The following GPATCH1 variants were observed in gnomAD, a reference collection of about 807,000 sequenced individuals.
The protein encoded by GPATCH1 is G patch domain-containing protein 1.
GPATCH1 carries 73 observed loss-of-function variants against 114.9 expected under a neutral mutation model. The ratio of observed to expected loss-of-function variants is 0.64; its 90% CI spans 0.53 to 0.77. The LOEUF (loss-of-function observed/expected upper bound fraction) is 0.77, where lower values mean the gene tolerates loss of function less well. GPATCH1 is among the 30% of genes least tolerant of loss of function. The pLI is 0.00. For missense variants in GPATCH1, 1,058 were observed against 1,144.3 expected (o/e 0.92, Z 1.09); for synonymous variants, 391 against 428.4 (o/e 0.91, Z 1.08).
At chr19:33,113,691 T>G in intron 13 of GPATCH1, 76 bp from the exon 14 acceptor site, 2 of 1,323,066 alleles carry the variant, frequency 1.5e-6, no homozygotes, top group Non-Finnish European at 2.1e-6. Flanking sequence ...GTGGAAAACT[T>G]GAGATGGAAA....
At chr19:33,119,200 C>A in intron 17 of GPATCH1, 83 bp downstream of exon 17, 1 of 634,600 alleles carries the variant, frequency 1.6e-6, no homozygotes, top group Non-Finnish European at 2.7e-6. Context: ...TAGAGCCGAC[C>A]AAACATACGT....
intron 8 of GPATCH1, among the ~76,000 whole-genome samples, chr19:33,099,606 T>A (rs1167843951): frequency 6.7e-6 from 1 of 149,880 alleles, no homozygotes; most frequent in Non-Finnish European, 1.5e-5. Context: ...ATTTTTAAAT[T>A]TTTTTTTTTT....
At chr19:33,121,582 G>A (rs1414838703) in intron 17 of GPATCH1, among the ~76,000 whole-genome samples, 1 of 151,934 alleles carries the variant, frequency 6.6e-6, no homozygotes, top group African/African-American at 2.4e-5. Context: ...GCCTCCCAAT[G>A]TGCTGGGATT....
At chr19:33,128,443 G>T (rs1386228967) in intron 19 of GPATCH1, among the ~76,000 whole-genome samples, 2 of 152,164 alleles carry the variant, frequency 1.3e-5, no homozygotes, top group Non-Finnish European at 2.9e-5. Context: ...TGTATATTTA[G>T]TAGAGACGGG....
At chr19:33,130,002 G>A (rs991713790) in intron 19 of GPATCH1, 128 bp from the exon 20 acceptor site, 1 of 674,866 alleles carries the variant, frequency 1.5e-6, no homozygotes, top group Non-Finnish European at 2.7e-6. Context: ...GTTATTGTGA[G>A]TGCATTTTGT....
intron 3 of GPATCH1, among the ~76,000 whole-genome samples, chr19:33,091,177 C>T (rs1042736560): frequency 3.5e-4 from 53 of 151,804 alleles, no homozygotes; most frequent in Non-Finnish European, 6.2e-4. Context: ...TTTGGGAGGC[C>T]GAGACAGGCG....
chr19:33,105,935 C>T (rs1434838233), intron 9 of GPATCH1, among the ~76,000 whole-genome samples: 3 of 152,032 alleles, frequency 2.0e-5, no homozygotes, highest in African/African-American at 7.2e-5. Context: ...GCGACCTCTG[C>T]CTCCCGGGTT....
chr19:33,102,027 CAAA>C (rs563794335), intron 9 of GPATCH1, among the ~76,000 whole-genome samples: 4 of 92,248 alleles, frequency 4.3e-5, no homozygotes, highest in Admixed American at 1.2e-4. Flanking sequence ...AACTCTGTCT[CAAA>C]AAAAAAAAAA....
chr19:33,126,773 G>T (rs773980117), intron 19 of GPATCH1, 40 bp downstream of exon 19: 2 of 1,481,668 alleles, frequency 1.3e-6, no homozygotes, highest in Admixed American at 4.1e-5. Flanking sequence ...GAAACCTTTA[G>T]AGGCTTATTG....
rs1391240969 is a variant in GPATCH1 at position 33,112,572 on chromosome 19, G to A, written c.1851G>A (p.Lys617=). 2 of 1,613,824 alleles carry A rather than the reference G, an allele frequency of 1.2e-6. No individual in the cohort carries two copies. Among genetic ancestry groups the A allele is most frequent in the Non-Finnish European group, 1.7e-6 (2 of 1,179,874 alleles). Residue 617 remains lysine, a synonymous_variant, in exon 13 of 20, where the codon AAG becomes AAA. Coordinates refer to ENST00000170564, the MANE Select transcript of GPATCH1 (RefSeq NM_018025.3). ...ACACGTTTGAGTGGCACCCTGACAA[G>A]CTTCTATGTAAGAGATTTAATGTCC... is the stretch of plus-strand genomic sequence containing the variant. ...TRDTFEWHPD[K]LLCKRFNVPD... is the part of the protein sequence containing the mutation.
intron 17 of GPATCH1, among the ~76,000 whole-genome samples, chr19:33,119,858 A>G (rs898717131): frequency 6.7e-6 from 1 of 149,270 alleles, no homozygotes; most frequent in Non-Finnish European, 1.5e-5. Flanking sequence ...CATCTCTACT[A>G]TAATTTTTAT....
At chr19:33,109,003 T>C (rs1171082388) in intron 10 of GPATCH1, among the ~76,000 whole-genome samples, 1 of 152,136 alleles carries the variant, frequency 6.6e-6, no homozygotes, top group Non-Finnish European at 1.5e-5. Flanking sequence ...GATGATCTCT[T>C]GAGCCCAGGA....
intron 15 of GPATCH1, among the ~76,000 whole-genome samples, chr19:33,115,860 T>C (rs956612985): frequency 6.6e-6 from 1 of 152,226 alleles, no homozygotes; most frequent in African/African-American, 2.4e-5. Flanking sequence ...ATAATTTATA[T>C]TGGACATTTG....
chr19:33,117,516 G>A (rs773819381), intron 15 of GPATCH1, among the ~76,000 whole-genome samples: 3 of 152,006 alleles, frequency 2.0e-5, no homozygotes, highest in Non-Finnish European at 2.9e-5. Flanking sequence ...GGATGGTCTC[G>A]ATCTCCTGAC....
intron 12 of GPATCH1, 33 bp downstream of exon 12, chr19:33,111,935 CT>C: frequency 6.5e-7 from 1 of 1,531,656 alleles, no homozygotes; most frequent in South Asian, 1.1e-5. Flanking sequence ...ACCTGGTGAA[CT>C]TTAATATTAA....
intron 16 of GPATCH1, among the ~76,000 whole-genome samples, chr19:33,118,495 A>T (rs1205191894): frequency 3.3e-5 from 5 of 152,036 alleles, no homozygotes. Context: ...CAGACTTTTA[A>T]AATTTTTATA....
At chr19:33,084,953 G>T (rs1467907213) in intron 1 of GPATCH1, among the ~76,000 whole-genome samples, 1 of 152,180 alleles carries the variant, frequency 6.6e-6, no homozygotes, top group Non-Finnish European at 1.5e-5. Flanking sequence ...GGGCCACTGT[G>T]CCCAGCGACT....
At position 33,109,525 on chromosome 19, in the gene GPATCH1, T is replaced by G. The variant is rs189390885; in HGVS notation, c.1286-192T>G. Among the ~76,000 whole-genome samples the G allele has an allele frequency of 6.2e-4, 94 of 152,040 alleles. No individual in the cohort carries two copies. In the South Asian group the frequency reaches 0.01, roughly 17 times the overall value. ...GAGACTCCATCTAAAATAATAATAA[T>G]AATAAGAAGAAGAATCTCAATTTTT... On this transcript the variant is annotated intron_variant, in intron 10 of 19. Coordinates refer to ENST00000170564, the MANE Select transcript of GPATCH1 (RefSeq NM_018025.3).
chr19:33,083,101 C>T (rs990131185), intron 1 of GPATCH1, among the ~76,000 whole-genome samples: 2 of 133,022 alleles, frequency 1.5e-5, no homozygotes, highest in Non-Finnish European at 3.2e-5. Flanking sequence ...ATTAGCTGGG[C>T]GTGGTGGGGG....
Sources: gnomAD v4.1 joint callset for allele counts (sites outside exome capture counted in the v4.1 genomes callset) on GRCh38, gnomAD v4.1.1 for gene constraint, MANE v1.5 for transcripts, NCBI Gene and HGNC (gene_info 2026-07-23, HGNC 2026-07-21) for gene names.